Variants in LRP2BP observed in about 807,000 individuals in gnomAD.
LRP2BP encodes the protein LRP2 binding protein.
LRP2BP carries 38 observed loss-of-function variants against 45.2 expected under a neutral mutation model. The ratio of observed to expected loss-of-function variants is 0.84; its 90% confidence interval spans 0.65 to 1.10. The LOEUF (loss-of-function observed/expected upper bound fraction) is 1.10. LRP2BP is among the 50% of genes least tolerant of loss of function. The probability of loss-of-function intolerance (pLI) is 0.00; values close to 1 mark genes in which losing one functional copy is unlikely to be tolerated. For missense variants in LRP2BP, 385 were observed against 418.9 expected, an observed-to-expected ratio of 0.92 and a Z score of 0.71; for synonymous variants, 153 against 153.9, an observed-to-expected ratio of 0.99 and a Z score of 0.04.
intron 1 of LRP2BP, among the ~76,000 whole-genome samples, chr4:185,381,949 G>T (rs1420809635): frequency 6.6e-6 from 1 of 152,100 alleles, no homozygotes; most frequent in Non-Finnish European, 1.5e-5. Flanking sequence ...TTACAAAGTT[G>T]TGCAATAATT....
At chr4:185,375,502 A>ATG (rs2095433013) in intron 4 of LRP2BP, 111 bp downstream of exon 4, 1 of 78,356 alleles carries the variant, frequency 1.3e-5, no homozygotes. Flanking sequence ...ATATATATAT[A>ATG]TATATATATA....
intron 4 of LRP2BP, 78 bp downstream of exon 4, chr4:185,375,527 TGTATTAAA>T (rs2095434398): frequency 6.5e-6 from 1 of 154,078 alleles, no homozygotes; most frequent in African/African-American, 3.2e-5. Context: ...TATATATATA[TGTATTAAA>T]ATATAAATAA....
At chr4:185,369,405 A>G (rs1437149795) in intron 8 of LRP2BP, among the ~76,000 whole-genome samples, 2 of 151,672 alleles carry the variant, frequency 1.3e-5, no homozygotes, top group Admixed American at 6.6e-5. Context: ...CAGTAGAGAC[A>G]GGATTATTTA....
At chr4:185,375,487 A>AAAAAACTATATAT (rs1554018308) in intron 4 of LRP2BP, 126 bp downstream of exon 4, 1 of 12,010 alleles carries the variant, frequency 8.3e-5, no homozygotes, top group Non-Finnish European at 1.5e-4. Flanking sequence ...AAAAAAAAAA[A>AAAAAACTATATAT]ATATATATAT....
At chr4:185,391,081 A>C (rs1370974604) in intron 1 of LRP2BP, among the ~76,000 whole-genome samples, 1 of 152,202 alleles carries the variant, frequency 6.6e-6, no homozygotes, top group African/African-American at 2.4e-5. Context: ...GCAGTTTCTC[A>C]AACTTCCCTT....
chr4:185,397,274 T>G, upstream of LRP2BP: 1 of 1,614,064 alleles, frequency 6.2e-7, no homozygotes, highest in Non-Finnish European at 8.5e-7. Flanking sequence ...CTCTGGCAGC[T>G]GCAAACGGGC....
chr4:185,388,756 C>A (rs2095479414), intron 1 of LRP2BP, among the ~76,000 whole-genome samples: 1 of 152,102 alleles, frequency 6.6e-6, no homozygotes, highest in Non-Finnish European at 1.5e-5. Flanking sequence ...ATAGGTTGCA[C>A]AACAAACATT....
chr4:185,378,083 G>C lies in LRP2BP; in HGVS notation c.104C>G (p.Thr35Ser). ...QKFFQWKKEK[T>S]DYTHANLVDK... ...AGCTTAAATATCAGGATTTGTACCA[G>C]TCTTTTCCTTTTTCCACTGGAAAAA... is the stretch of plus-strand genomic sequence containing the variant. Residue 35 changes from threonine (T) to serine (S), a missense_variant and splice_region_variant, in exon 2 of 9, where the codon ACT becomes AGT. Transcript: ENST00000505916. 1.2e-6 allele frequency: 2 copies of C among 1,611,130 alleles called. No individual in the cohort carries two copies. Among genetic ancestry groups the C allele is most frequent in the Non-Finnish European group, 1.7e-6 (2 of 1,177,628 alleles).
At chr4:185,386,373 C>T (rs1329749048) in intron 1 of LRP2BP, among the ~76,000 whole-genome samples, 1 of 152,120 alleles carries the variant, frequency 6.6e-6, no homozygotes, top group Non-Finnish European at 1.5e-5. Context: ...TTTGTAATAA[C>T]ACAAAAATAT....
chr4:185,376,764 C>T (rs1277545805), intron 3 of LRP2BP, 145 bp downstream of exon 3: 2 of 609,026 alleles, frequency 3.3e-6, no homozygotes, highest in Non-Finnish European at 5.8e-6. Context: ...GCACTGTATC[C>T]TACTGTTAAA....
intron 2 of LRP2BP, chr4:185,377,263 A>ATAC (rs113496672): frequency 2.3e-6 from 1 of 425,758 alleles, no homozygotes; most frequent in African/African-American, 2.0e-5. Flanking sequence ...CACGCCTGTA[A>ATAC]ATCTCAGCAC....
intron 6 of LRP2BP, among the ~76,000 whole-genome samples, chr4:185,373,837 T>C (rs1358895246): frequency 1.3e-5 from 2 of 152,224 alleles, no homozygotes; most frequent in Non-Finnish European, 2.9e-5. Context: ...AACGGTAATA[T>C]TCATCTGTTC....
At chr4:185,386,138 C>G (rs1395018026) in intron 1 of LRP2BP, among the ~76,000 whole-genome samples, 1 of 152,118 alleles carries the variant, frequency 6.6e-6, no homozygotes, top group East Asian at 1.9e-4. Context: ...TTGAGAAGTT[C>G]TGGACAAAAA....
At chr4:185,378,244 C>T in intron 1 of LRP2BP, 37 bp from the exon 2 acceptor site, 1 of 1,602,012 alleles carries the variant, frequency 6.2e-7, no homozygotes, top group Non-Finnish European at 8.5e-7. Flanking sequence ...GTAGAAATTT[C>T]TTCCTCCAGC....
chr4:185,375,487 A>AAAAAAAAATATATATATAT (rs1554018308), intron 4 of LRP2BP, 126 bp downstream of exon 4: 1 of 12,016 alleles, frequency 8.3e-5, no homozygotes, highest in Non-Finnish European at 1.5e-4. Context: ...AAAAAAAAAA[A>AAAAAAAAATATATATATAT]ATATATATAT....
intron 4 of LRP2BP, among the ~76,000 whole-genome samples, chr4:185,375,185 C>G (rs1367028895): frequency 6.6e-6 from 1 of 150,908 alleles, no homozygotes. Flanking sequence ...ATGATCTTGG[C>G]TCACTGCAGC....
intron 8 of LRP2BP, chr4:185,369,841 C>T (rs527704263): frequency 1.5e-4 from 60 of 413,536 alleles, no homozygotes; most frequent in South Asian, 8.4e-4. Flanking sequence ...AAAAGATCCT[C>T]GGGTGATTTT....
intron 3 of LRP2BP, 106 bp downstream of exon 3, chr4:185,376,802 CA>C (rs2095439573): frequency 1.4e-6 from 1 of 726,932 alleles, no homozygotes; most frequent in African/African-American, 1.8e-5. Context: ...TGTAATTGGA[CA>C]GAATTTCCCT....
At chr4:185,375,751 A>G (rs2095435277) in intron 3 of LRP2BP, 25 bp from the exon 4 acceptor site, 4 of 1,460,618 alleles carry the variant, frequency 2.7e-6, no homozygotes, top group Non-Finnish European at 3.8e-6. Flanking sequence ...AAGATATTTA[A>G]TTATTTTTAT....
Sources: gnomAD v4.1 joint callset for allele counts (sites outside exome capture counted in the v4.1 genomes callset) on GRCh38, gnomAD v4.1.1 for gene constraint, MANE v1.5 for transcripts, NCBI Gene and HGNC (gene_info 2026-07-23, HGNC 2026-07-21) for gene names.